Variants in TNS2 observed in about 807,000 individuals in gnomAD.
The protein encoded by TNS2 is tensin 2.
In TNS2, 77 loss-of-function variants were observed where a neutral mutation model predicts 155.7. That is an observed-to-expected ratio of 0.49 (90% CI 0.41 to 0.60). The LOEUF (loss-of-function observed/expected upper bound fraction) is 0.60. Among genes scored for constraint, TNS2 ranks in the 20% least tolerant of loss-of-function variants. The pLI is 0.00. For synonymous variants in TNS2, 726 were observed against 763.9 expected, an observed-to-expected ratio of 0.95 and a Z score of 0.82; for missense variants, 1,703 against 1,868.8, an observed-to-expected ratio of 0.91 and a Z score of 1.64.
chr12:53,060,320 G>T lies in TNS2; in HGVS notation c.2617+62G>T. The stretch of plus-strand genomic sequence containing the variant: ...GGAGGTTCTGGAAGATGGTGGGGAA[G>T]TCAAGGGGGAACAGGGTGAGAAACA... On this transcript the variant is annotated intron_variant, in intron 18 of 28. Coordinates refer to ENST00000314250, the MANE Select transcript of TNS2 (RefSeq NM_170754.4). The surrounding 1 kb of genome is among the most constrained non-coding windows in gnomAD (Gnocchi z 6.1). 2 of 1,559,822 alleles carry T rather than the reference G, an allele frequency of 1.3e-6. No homozygotes were observed. The highest frequency in any genetic ancestry group is 8.7e-7 in the Non-Finnish European group (1 of 1,150,930).
At position 53,054,022 on chromosome 12, in the gene TNS2, AG is replaced by A; in HGVS notation, c.350+11del. ...GCGCAGCACTCTGCCCAGGTAAGTG[AG>A]GGTGCTGGGGTGGTCCCACGTGACC... On this transcript the variant is annotated intron_variant, in intron 6 of 28. Coordinates refer to ENST00000314250, the MANE Select transcript of TNS2 (RefSeq NM_170754.4). 1 of 1,614,080 alleles carries A rather than the reference AG, an allele frequency of 6.2e-7. No individual in the cohort carries two copies. Among genetic ancestry groups the A allele is most frequent in the Non-Finnish European group, 8.5e-7 (1 of 1,179,988 alleles).
At position 53,060,508 on chromosome 12, in the gene TNS2, T is replaced by C. The variant is rs540014997; in HGVS notation, c.2721T>C (p.Gly907=). ...GCAGTGCTTCGTCAGAGTTGTCTGG[T>C]CCCTCCACGCCCCTGCACACCAGCA... ...APCSASSELS[G]PSTPLHTSSP... is the part of the protein sequence containing the mutation. Residue 907 remains glycine (G), a synonymous_variant, in exon 19 of 29, where the codon GGT becomes GGC. Coordinates refer to ENST00000314250, the MANE Select transcript of TNS2 (RefSeq NM_170754.4). The surrounding 1 kb of genome is among the most constrained non-coding windows in gnomAD (Gnocchi z 6.1). The C allele has an allele frequency of 2.2e-5, 35 of 1,613,666 alleles. No homozygotes were observed. The East Asian group carries it at 6.0e-4, about 28-fold the overall frequency.
chr12:53,060,999 C>A lies in TNS2; in HGVS notation c.3093C>A (p.Pro1031=). The part of the protein sequence containing the change: ...RGPPDSPDGS[P]LTPVPSQMPW... ...CCCCCGACAGCCCAGATGGGTCTCCCCTCACTCCTGTGCCTTCCCAGATGC... is the reference window on the plus strand; with the variant it reads ...CCCCCGACAGCCCAGATGGGTCTCCACTCACTCCTGTGCCTTCCCAGATGC... Residue 1031 remains proline, a synonymous_variant, in exon 20 of 29, where the codon CCC becomes CCA. Transcript: ENST00000314250. The surrounding 1 kb of genome is among the most constrained non-coding windows in gnomAD (Gnocchi z 6.1). 6.2e-7 allele frequency: 1 copy of A among 1,613,144 alleles called. No homozygotes were observed. The highest frequency in any genetic ancestry group is 2.2e-5 in the East Asian group (1 of 44,830).
In TNS2 at chr12:53,057,033, C is replaced by T. The variant is rs1441927061; in HGVS notation, c.782C>T (p.Thr261Ile). Reference sequence around the variant, plus strand: ...CCCAGGGCGGACCAGGCACTGGCCACTCTTACCATGCGGAAATTCTGCGAG... The same window carrying T: ...CCCAGGGCGGACCAGGCACTGGCCATTCTTACCATGCGGAAATTCTGCGAG... ...ISAGADQALATLTMRKFCEDK... is the reference protein window; with the variant it reads ...ISAGADQALAILTMRKFCEDK... The change falls in exon 11 of 29, where the codon ACT (threonine) becomes ATT (isoleucine). Residue 261 changes from threonine to isoleucine, a missense_variant. Thr to Ile is a moderately conservative substitution (Grantham distance 89). Transcript: ENST00000314250. 1.9e-6 allele frequency: 3 copies of T among 1,613,774 alleles called. No individual in the cohort carries two copies. Among genetic ancestry groups the T allele is most frequent in the Non-Finnish European group, 2.5e-6 (3 of 1,179,918 alleles).
Position 53,062,163 on chromosome 12 carries a change from G to A in TNS2, c.3585G>A (p.Val1195=). 2.5e-6 allele frequency: 4 copies of A among 1,614,016 alleles called. No homozygotes were observed. Among genetic ancestry groups the A allele is most frequent in the Non-Finnish European group, 3.4e-6 (4 of 1,179,958 alleles). The change falls in exon 23 of 29, where the codon GTG becomes GTA. Residue 1195 remains valine (V), a synonymous_variant. Transcript: ENST00000314250. ...PSAQPWKGDP[V]EQLVRHFLIE... ...CTCGCCTCCTCTCAGGGGACCCCGT[G>A]GAACAGCTGGTCCGCCATTTCCTCA...
In TNS2 at chr12:53,060,985, C is replaced by T. The variant is rs1483830951; in HGVS notation, c.3079C>T (p.Pro1027Ser). Residue 1027 changes from proline (P) to serine (S), a missense_variant, in exon 20 of 29, where the codon CCA becomes TCA. By Grantham distance (74) the Pro-to-Ser change is moderately conservative. Transcript: ENST00000314250. The surrounding 1 kb of genome is among the most constrained non-coding windows in gnomAD (Gnocchi z 6.1). ...WQGPRGPPDS[P>S]DGSPLTPVPS... ...AGGCCCTCGAGGCCCCCCCGACAGC[C>T]CAGATGGGTCTCCCCTCACTCCTGT... 4 of 1,612,282 alleles carry T rather than the reference C, an allele frequency of 2.5e-6. No homozygotes were observed. Among genetic ancestry groups the T allele is most frequent in the Admixed American group, 3.3e-5 (2 of 59,814 alleles).
Position 53,062,413 on chromosome 12 carries a change from C to A in TNS2, c.3705C>A (p.Ser1235=), listed in dbSNP as rs762212979. ...LSALVSQHSI[S]PISLPCCLRI... is the part of the protein sequence containing the mutation. ...CCTTGGTCTCCCAGCACTCCATCTC[C>A]CCCATCTCCCTGCCCTGCTGCCTGC... Residue 1235 remains serine, a synonymous_variant, in exon 24 of 29, where the codon TCC becomes TCA. Transcript: ENST00000314250. 24 of 1,613,904 alleles carry A rather than the reference C, an allele frequency of 1.5e-5. No individual in the cohort carries two copies. Among genetic ancestry groups the A allele is most frequent in the Non-Finnish European group, 2.0e-5 (24 of 1,179,964 alleles).
chr12:53,054,291 C>T lies in TNS2; in HGVS notation c.372C>T (p.Leu124=). ...TLPRSFSLDP[L]MERRWDLDLT... is the part of the protein sequence containing the mutation. ...CCAGGAGCTTCAGCCTGGACCCGCTCATGGAGCGGCGCTGGGACTTAGACC... is the reference window on the plus strand; with the variant it reads ...CCAGGAGCTTCAGCCTGGACCCGCTTATGGAGCGGCGCTGGGACTTAGACC... Residue 124 remains leucine, a synonymous_variant, in exon 7 of 29, where the codon CTC becomes CTT. Coordinates refer to ENST00000314250, the MANE Select transcript of TNS2 (RefSeq NM_170754.4). 6.2e-7 allele frequency: 1 copy of T among 1,613,202 alleles called. No individual in the cohort carries two copies. Among genetic ancestry groups the T allele is most frequent in the Non-Finnish European group, 8.5e-7 (1 of 1,179,914 alleles).
In TNS2 at chr12:53,054,298, C is replaced by A; in HGVS notation, c.379C>A (p.Arg127=). Residue 127 remains arginine (R), a synonymous_variant, in exon 7 of 29, where the codon CGG becomes AGG. Transcript: ENST00000314250. ...CTTCAGCCTGGACCCGCTCATGGAG[C>A]GGCGCTGGGACTTAGACCTCACCTA... is the stretch of plus-strand genomic sequence containing the variant. ...RSFSLDPLME[R]RWDLDLTYVT... 6.2e-7 allele frequency: 1 copy of A among 1,613,158 alleles called. No homozygotes were observed. Among genetic ancestry groups the A allele is most frequent in the Non-Finnish European group, 8.5e-7 (1 of 1,179,884 alleles).
At chr12:53,048,008 G>C (rs1592236912), upstream of TNS2, among the ~76,000 whole-genome samples, 3 of 152,168 alleles carry the variant, frequency 2.0e-5, no homozygotes, top group Non-Finnish European at 4.4e-5. Context: ...CCAAGACTTC[G>C]GAGAGAGAGG....
intron 7 of TNS2, among the ~76,000 whole-genome samples, chr12:53,054,841 T>A (rs1349416921): frequency 1.8e-5 from 1 of 54,130 alleles, no homozygotes; most frequent in Non-Finnish European, 3.0e-5. Flanking sequence ...CCCAGCCAAT[T>A]TTTTTTTTTT....
chr12:53,056,752 T>TG (rs1565605876), intron 10 of TNS2, among the ~76,000 whole-genome samples: 1 of 152,294 alleles, frequency 6.6e-6, no homozygotes. Flanking sequence ...ACATGTCTTT[T>TG]GGGGGGATAT....
chr12:53,054,646 G>C (rs1480179636), intron 7 of TNS2, among the ~76,000 whole-genome samples: 1 of 152,118 alleles, frequency 6.6e-6, no homozygotes, highest in African/African-American at 2.4e-5. Flanking sequence ...TGGCTAGGCC[G>C]GGCCTTAGCT....
In TNS2 at chr12:53,063,693, T is replaced by G. The variant is rs765703342; in HGVS notation, c.4092-51T>G. Reference sequence around the variant, plus strand: ...ATTTGTCTCACCAAGGCCAGCTACATTCCCTTGTGGAAGGAATGTTAAGCC... The same window carrying G: ...ATTTGTCTCACCAAGGCCAGCTACAGTCCCTTGTGGAAGGAATGTTAAGCC... On this transcript the variant is annotated intron_variant, in intron 28 of 28. Transcript: ENST00000314250. The surrounding 1 kb of genome is among the most constrained non-coding windows in gnomAD (Gnocchi z 5.6). 2 of 1,614,038 alleles carry G rather than the reference T, an allele frequency of 1.2e-6. No homozygotes were observed. Among genetic ancestry groups the G allele is most frequent in the East Asian group, 4.5e-5 (2 of 44,876 alleles).
At chr12:53,057,172 T>C (rs1944191035) in intron 11 of TNS2, 76 bp downstream of exon 11, 1 of 1,459,478 alleles carries the variant, frequency 6.9e-7, no homozygotes, top group South Asian at 1.2e-5. Flanking sequence ...CTCTTATTCA[T>C]GCAGCACACT....
rs1466878049 is a variant in TNS2 at position 53,054,436 on chromosome 12, T to A, written c.517T>A (p.Tyr173Asn). The A allele has an allele frequency of 1.9e-6, 3 of 1,601,150 alleles. No individual in the cohort carries two copies. Among genetic ancestry groups the A allele is most frequent in the Admixed American group, 1.8e-5 (1 of 55,460 alleles). The change falls in exon 7 of 29, where the codon TAC becomes AAC. Residue 173 changes from tyrosine (Y) to asparagine (N), a missense_variant. Tyr to Asn is a moderately radical substitution (Grantham distance 143). Coordinates refer to ENST00000314250, the MANE Select transcript of TNS2 (RefSeq NM_170754.4). ...HVLQSKHRDK[Y>N]LLFNLSEKRH... Reference sequence around the variant, plus strand: ...GCTGCAATCCAAGCACCGGGACAAGTACCTGGTGAGGGGCGGGGCCATCAG... The same window carrying A: ...GCTGCAATCCAAGCACCGGGACAAGAACCTGGTGAGGGGCGGGGCCATCAG...
upstream of TNS2, chr12:53,048,978 T>G: frequency 1.9e-6 from 1 of 532,696 alleles, no homozygotes; most frequent in South Asian, 2.8e-5. Flanking sequence ...AGCTATAGCC[T>G]GTCCCAGGGG....
At chr12:53,054,998 G>A (rs1944094125) in intron 7 of TNS2, among the ~76,000 whole-genome samples, 188 bp from the exon 8 acceptor site, 1 of 151,954 alleles carries the variant, frequency 6.6e-6, no homozygotes, top group African/African-American at 2.4e-5. Flanking sequence ...TGGCCAGGCT[G>A]GTCTCGAACT....
chr12:53,053,998 C>T lies in TNS2; in HGVS notation c.334C>T (p.Arg112Cys). 6.2e-7 allele frequency: 1 copy of T among 1,614,178 alleles called. No individual in the cohort carries two copies. Among genetic ancestry groups the T allele is most frequent in the Non-Finnish European group, 8.5e-7 (1 of 1,180,032 alleles). The change falls in exon 6 of 29, where the codon CGC (arginine) becomes TGC (cysteine). Residue 112 changes from arginine (R) to cysteine (C), a missense_variant. Coordinates refer to ENST00000314250, the MANE Select transcript of TNS2 (RefSeq NM_170754.4). Reference protein sequence around the residue: ...STKSLNHSKQRSTLPRSFSLD... With the variant: ...STKSLNHSKQCSTLPRSFSLD... ...CAAATCTCTGAACCACTCAAAGCAG[C>T]GCAGCACTCTGCCCAGGTAAGTGAG... is the stretch of plus-strand genomic sequence containing the variant.
Sources: allele counts gnomAD v4.1 joint callset (sites outside exome capture counted in the v4.1 genomes callset), GRCh38; gene constraint gnomAD v4.1.1; non-coding constraint Gnocchi (gnomAD v3.1); transcripts MANE v1.5; gene names NCBI Gene and HGNC (gene_info 2026-07-23, HGNC 2026-07-21).